CDC16: variants seen among roughly 807,000 people sequenced by gnomAD.
CDC16 encodes cell division cycle 16.
Under a neutral mutation model 87.0 loss-of-function variants are expected in CDC16, and 34 were observed. That is an observed-to-expected ratio of 0.39 (90% CI 0.30 to 0.52). CDC16 has a LOEUF of 0.52. Ranked by LOEUF, CDC16 falls within the 20% of genes least tolerant of loss-of-function variation. The probability of loss-of-function intolerance (pLI) is 0.74; values close to 1 mark genes in which losing one functional copy is unlikely to be tolerated. For missense variants in CDC16, 653 were observed against 751.9 expected (o/e 0.87, Z 1.54); for synonymous variants, 263 against 260.6 (o/e 1.01, Z -0.09).
At position 114,234,939 on chromosome 13, in the gene CDC16, C is replaced by A; in HGVS notation, c.-146C>A. 8.5e-6 allele frequency: 4 copies of A among 471,250 alleles called. No individual in the cohort carries two copies. The allele number at this position is 471,250 out of a possible 1,614,324, so 29.2% of individuals were successfully genotyped here. A position where few individuals can be genotyped will look rare whatever the true frequency, so the allele number is the denominator to read the frequency against. On this transcript the variant is annotated 5_prime_UTR_variant, in exon 1 of 18. Coordinates refer to ENST00000356221, the MANE Select transcript of CDC16 (RefSeq NM_001078645.3). ...TGGGGGGTGCGGGTGTGGGTGGGGACCTGCGGCCTTCGAGTCCGCGGCCTT... is the reference window on the plus strand; with the variant it reads ...TGGGGGGTGCGGGTGTGGGTGGGGAACTGCGGCCTTCGAGTCCGCGGCCTT...
intron 1 of CDC16, among the ~76,000 whole-genome samples, chr13:114,236,016 A>G (rs2081231178): frequency 6.6e-6 from 1 of 152,036 alleles, no homozygotes; most frequent in South Asian, 2.1e-4. Context: ...CTCCAGGGGA[A>G]CTGAGGCAGA....
chr13:114,247,058 C>A, intron 11 of CDC16, 54 bp downstream of exon 11: 1 of 1,120,120 alleles, frequency 8.9e-7, no homozygotes, highest in South Asian at 1.3e-5. Context: ...ATGTCTTGCT[C>A]ATAAGCTTTC....
chr13:114,271,390 T>C (rs551849711), intron 17 of CDC16, among the ~76,000 whole-genome samples: 3 of 152,312 alleles, frequency 2.0e-5, no homozygotes, highest in Non-Finnish European at 2.9e-5. Flanking sequence ...TATATTACCC[T>C]TAAGGTTTTA....
At chr13:114,257,418 C>T (rs2082569747) in intron 13 of CDC16, among the ~76,000 whole-genome samples, 188 bp downstream of exon 13, 1 of 151,950 alleles carries the variant, frequency 6.6e-6, no homozygotes, top group Non-Finnish European at 1.5e-5. Context: ...AATTCTAAAC[C>T]CAGGTTTTGG....
At position 114,262,953 on chromosome 13, in the gene CDC16, C is replaced by G; in HGVS notation, c.1451C>G (p.Ala484Gly). Residue 484 changes from alanine (A) to glycine (G), a missense_variant, in exon 16 of 18, where the codon GCT becomes GGT. Coordinates refer to ENST00000356221, the MANE Select transcript of CDC16 (RefSeq NM_001078645.3). Reference sequence around the variant, plus strand: ...CCTCAGAACGCATCCACCTACTCTGCTATTGGATATATCCACAGTCTGATG... The same window carrying G: ...CCTCAGAACGCATCCACCTACTCTGGTATTGGATATATCCACAGTCTGATG... The part of the protein sequence containing the change: ...LIPQNASTYS[A>G]IGYIHSLMGN... 6.2e-7 allele frequency: 1 copy of G among 1,612,660 alleles called. No homozygotes were observed. Among genetic ancestry groups the G allele is most frequent in the South Asian group, 1.1e-5 (1 of 91,062 alleles).
chr13:114,272,517 A>T lies in CDC16; in HGVS notation c.*74A>T, dbSNP rs2083755024. ...CTTCACATCCTCTCCATGGCTTAAG[A>T]ATGTCCCACTTCCTAACGTGACTCC... On this transcript the variant is annotated 3_prime_UTR_variant, in exon 18 of 18. Coordinates refer to ENST00000356221, the MANE Select transcript of CDC16 (RefSeq NM_001078645.3). 2 of 1,335,686 alleles carry T rather than the reference A, an allele frequency of 1.5e-6. No individual in the cohort carries two copies. The highest frequency in any genetic ancestry group is 4.6e-5 in the East Asian group (2 of 43,246). 82.7% of individuals were successfully genotyped at this position (1,335,686 alleles called of 1,614,324 possible).
chr13:114,270,914 CTTTTTTTTTTT>C (rs571053869), intron 17 of CDC16, among the ~76,000 whole-genome samples: 3 of 101,140 alleles, frequency 3.0e-5, no homozygotes, highest in East Asian at 3.2e-4. Context: ...AGAGATTTAC[CTTTTTTTTTTT>C]TTTTTTTTTT....
intron 17 of CDC16, among the ~76,000 whole-genome samples, chr13:114,270,239 C>T (rs1395695201): frequency 6.6e-6 from 1 of 152,032 alleles, no homozygotes; most frequent in Non-Finnish European, 1.5e-5. Context: ...TGGCAGAAGG[C>T]TAAGTGGGGA....
At position 114,243,862 on chromosome 13, in the gene CDC16, A is replaced by G; in HGVS notation, c.640A>G (p.Lys214Glu). 1.9e-6 allele frequency: 3 copies of G among 1,608,518 alleles called. No homozygotes were observed. Among genetic ancestry groups the G allele is most frequent in the Non-Finnish European group, 2.6e-6 (3 of 1,176,132 alleles). Reference sequence around the variant, plus strand: ...ACATTTCTATGTGTTTCAGTATAATAAGCCTAGTGAAACGGTCATCCCTGA... The same window carrying G: ...ACATTTCTATGTGTTTCAGTATAATGAGCCTAGTGAAACGGTCATCCCTGA... ...LFENKLKKYN[K>E]PSETVIPESV... The change falls in exon 8 of 18, where the codon AAG becomes GAG. Residue 214 changes from lysine (K) to glutamate (E), a missense_variant. Lys to Glu is a moderately conservative substitution (Grantham distance 56). Coordinates refer to ENST00000356221, the MANE Select transcript of CDC16 (RefSeq NM_001078645.3).
rs1284878840 is a variant in CDC16 at position 114,236,697 on chromosome 13, G to C, written c.101G>C (p.Arg34Pro). The C allele has an allele frequency of 1.2e-6, 2 of 1,612,272 alleles. No individual in the cohort carries two copies. The highest frequency in any genetic ancestry group is 2.2e-5 in the South Asian group (2 of 91,036). The change falls in exon 2 of 18, where the codon CGT becomes CCT. Residue 34 changes from arginine to proline, a missense_variant and splice_region_variant. Coordinates refer to ENST00000356221, the MANE Select transcript of CDC16 (RefSeq NM_001078645.3). The stretch of plus-strand genomic sequence containing the variant: ...GCAGATAAAGTAGCTTCACTCTCTC[G>C]TGGTAAGTGACAAAATGCTAACTGG... ...FWADKVASLS[R>P]EEPQDIYWLA...
At chr13:114,255,652 C>CTTTA (rs2082450871) in intron 12 of CDC16, among the ~76,000 whole-genome samples, 1 of 152,058 alleles carries the variant, frequency 6.6e-6, no homozygotes, top group Non-Finnish European at 1.5e-5. Flanking sequence ...ATGAAGAATA[C>CTTTA]TCAACCTGTA....
chr13:114,254,052 AATTATCTCTAAT>A (rs1319303835), intron 12 of CDC16, among the ~76,000 whole-genome samples: 3 of 149,146 alleles, frequency 2.0e-5, no homozygotes, highest in Admixed American at 6.6e-5. Flanking sequence ...AAATATCACT[AATTATCTCTAAT>A]AATACTTTTT....
intron 17 of CDC16, among the ~76,000 whole-genome samples, chr13:114,266,871 T>C (rs1054046213): frequency 6.6e-6 from 1 of 151,964 alleles, no homozygotes; most frequent in African/African-American, 2.4e-5. Context: ...AATTTTTTTG[T>C]ATTTTTAGTA....
intron 16 of CDC16, 153 bp from the exon 17 acceptor site, chr13:114,264,996 CA>C: frequency 1.6e-6 from 1 of 617,250 alleles, no homozygotes. Flanking sequence ...GACCCATAAC[CA>C]ACTTCAACAA....
intron 16 of CDC16, among the ~76,000 whole-genome samples, chr13:114,263,620 A>G (rs2082990421): frequency 1.3e-5 from 2 of 152,242 alleles, no homozygotes; most frequent in South Asian, 2.1e-4. Context: ...ATAAATGGTT[A>G]CAATATTCAG....
chr13:114,237,766 G>A (rs1355349838), intron 3 of CDC16, among the ~76,000 whole-genome samples: 1 of 151,748 alleles, frequency 6.6e-6, no homozygotes, highest in African/African-American at 2.4e-5. Context: ...TGATTTTTTT[G>A]TCTGTTCTGT....
At position 114,250,959 on chromosome 13, in the gene CDC16, A is replaced by T. The variant is rs115663856; in HGVS notation, c.1097+285A>T. On this transcript the variant is annotated intron_variant, in intron 12 of 17. Coordinates refer to ENST00000356221, the MANE Select transcript of CDC16 (RefSeq NM_001078645.3). ...GAAGCCCTTCCTCACATGCTCATGC[A>T]AGAATAAAAATATTCACGAGCAAAA... Among the ~76,000 whole-genome samples the T allele has an allele frequency of 3.3e-3, 499 of 152,350 alleles. 1 individual carries two copies. Among genetic ancestry groups the T allele is most frequent in the African/African-American group, 0.012 (481 of 41,582 alleles).
In CDC16 at chr13:114,272,200, CAAATT is replaced by C. The variant is rs2083730724; in HGVS notation, c.1624_1628del (p.Leu542MetfsTer3). 6.5e-7 allele frequency: 1 copy of C among 1,537,936 alleles called. No individual in the cohort carries two copies. The highest frequency in any genetic ancestry group is 8.9e-7 in the Non-Finnish European group (1 of 1,128,244). On this transcript the variant is annotated frameshift_variant, in exon 18 of 18. Coordinates refer to ENST00000356221, the MANE Select transcript of CDC16 (RefSeq NM_001078645.3). LOFTEE classifies it high-confidence loss of function. Reference sequence around the variant, plus strand: ...TCTTTTTAGGAGCAGACATTAAAGACAAATTAAAATGTTATGACTTTGATGTGCAT... The same window carrying C: ...TCTTTTTAGGAGCAGACATTAAAGACAAAATGTTATGACTTTGATGTGCAT...
At chr13:114,249,033 T>C in intron 11 of CDC16, among the ~76,000 whole-genome samples, 1 of 151,960 alleles carries the variant, frequency 6.6e-6, no homozygotes, top group East Asian at 1.9e-4. Flanking sequence ...TGCTTTTTTC[T>C]ATTATTATTA....
Sources: gnomAD v4.1 joint callset for allele counts (sites outside exome capture counted in the v4.1 genomes callset) on GRCh38, gnomAD v4.1.1 for gene constraint, MANE v1.5 for transcripts, NCBI Gene and HGNC (gene_info 2026-07-23, HGNC 2026-07-21) for gene names.